RBFOX1: variants seen among roughly 807,000 people sequenced by gnomAD.
RBFOX1 encodes the protein RNA binding fox-1 homolog 1.
Under a neutral mutation model 57.7 loss-of-function variants are expected in RBFOX1, and 8 were observed. That is an observed-to-expected ratio of 0.14 (90% CI 0.08 to 0.25). The LOEUF (loss-of-function observed/expected upper bound fraction) is 0.25. Ranked by LOEUF, RBFOX1 falls within the 10% of genes least tolerant of loss-of-function variation. The pLI, the probability that RBFOX1 is intolerant of heterozygous loss-of-function variation, is 1.00. For missense variants in RBFOX1, 611 were observed against 548.5 expected (o/e 1.11, Z -1.14); for synonymous variants, 326 against 222.4 (o/e 1.47, Z -4.15).
intron 3 of RBFOX1, among the ~76,000 whole-genome samples, chr16:6,906,748 A>C (rs1804245229): frequency 6.8e-6 from 1 of 147,330 alleles, no homozygotes; most frequent in Non-Finnish European, 1.5e-5. Flanking sequence ...TTTGAGACAG[A>C]GTCTTGCTCT....
At chr16:5,567,680 T>C (rs2046122369) in intron 2 of RBFOX1, among the ~76,000 whole-genome samples, 1 of 145,904 alleles carries the variant, frequency 6.9e-6, no homozygotes, top group South Asian at 2.3e-4. Flanking sequence ...GGAAGGGCTG[T>C]GTCTATGTTT....
chr16:7,037,927 A>G (rs530732003), intron 3 of RBFOX1, among the ~76,000 whole-genome samples: 5 of 152,322 alleles, frequency 3.3e-5, no homozygotes, highest in African/African-American at 4.8e-5. Context: ...AGATTATAAA[A>G]TTATCAACTT....
intron 3 of RBFOX1, among the ~76,000 whole-genome samples, chr16:6,905,104 A>C (rs2153420388): frequency 6.6e-6 from 1 of 152,272 alleles, no homozygotes; most frequent in African/African-American, 2.4e-5. Flanking sequence ...AGTGTTGTTA[A>C]AAAATCCAAA....
intron 3 of RBFOX1, among the ~76,000 whole-genome samples, chr16:6,802,239 C>T (rs751033756): frequency 1.3e-5 from 2 of 152,096 alleles, no homozygotes; most frequent in African/African-American, 2.4e-5. Context: ...TTTAACTTAA[C>T]CACTCAGTCA....
intron 4 of RBFOX1, among the ~76,000 whole-genome samples, chr16:7,073,375 C>T (rs377375562): frequency 6.6e-6 from 1 of 152,128 alleles, no homozygotes; most frequent in Non-Finnish European, 1.5e-5. Flanking sequence ...ATCTTCCCAA[C>T]AAAGCATGAA....
rs1353751760 is a variant in RBFOX1 at position 7,630,654 on chromosome 16, C to G, written c.728C>G (p.Ala243Gly). ...ANQEGSSMYS[A>G]PSSLVYTSAM... ...CAGGAGGGATCTTCCATGTACAGTG[C>G]CCCCAGTTCACTTGTATATACTTCT... The change falls in exon 11 of 16, where the codon GCC becomes GGC. Residue 243 changes from alanine to glycine, a missense_variant. Physicochemically the swap from Ala to Gly is moderately conservative, Grantham distance 60. Coordinates refer to ENST00000550418, the MANE Select transcript of RBFOX1 (RefSeq NM_018723.4). 9.9e-6 allele frequency: 16 copies of G among 1,614,020 alleles called. No homozygotes were observed. Among genetic ancestry groups the G allele is most frequent in the Non-Finnish European group, 1.4e-5 (16 of 1,180,044 alleles).
chr16:5,719,784 C>T (rs1182700538), intron 3 of RBFOX1, among the ~76,000 whole-genome samples: 1 of 151,982 alleles, frequency 6.6e-6, no homozygotes. Context: ...ATGGATAGAC[C>T]CCATTTTATT....
chr16:6,592,003 T>G (rs2052198962), intron 2 of RBFOX1, among the ~76,000 whole-genome samples: 1 of 152,198 alleles, frequency 6.6e-6, no homozygotes, highest in Non-Finnish European at 1.5e-5. Context: ...AAGCATCCTA[T>G]TATTTAATCA....
At chr16:7,342,225 G>T (rs2096911616) in intron 4 of RBFOX1, among the ~76,000 whole-genome samples, 1 of 152,164 alleles carries the variant, frequency 6.6e-6, no homozygotes, top group African/African-American at 2.4e-5. Context: ...TAAAATGGGA[G>T]TAATACCAAG....
At chr16:5,698,666 G>T (rs1386471873) in intron 3 of RBFOX1, among the ~76,000 whole-genome samples, 1 of 152,122 alleles carries the variant, frequency 6.6e-6, no homozygotes, top group Non-Finnish European at 1.5e-5. Flanking sequence ...TAGCAATACT[G>T]TTCACCAGGG....
At position 6,971,782 on chromosome 16, in the gene RBFOX1, T is replaced by A. The variant is rs762751049; in HGVS notation, c.-15-80275T>A. On this transcript the variant is annotated intron_variant, in intron 3 of 15. Coordinates refer to ENST00000550418, the MANE Select transcript of RBFOX1 (RefSeq NM_018723.4). The stretch of plus-strand genomic sequence containing the variant: ...CACTTAAGTGGAGTGTCCACAGTCC[T>A]GCTTCTGTTGGGTGTGGAGGGCGAG... Among the ~76,000 whole-genome samples, 16 of 152,178 alleles carry A rather than the reference T, an allele frequency of 1.1e-4. 1 individual carries two copies. The highest frequency in any genetic ancestry group is 2.1e-4 in the Non-Finnish European group (14 of 68,010).
intron 3 of RBFOX1, among the ~76,000 whole-genome samples, chr16:5,626,900 G>T (rs563946847): frequency 1.3e-5 from 2 of 151,868 alleles, no homozygotes; most frequent in African/African-American, 4.8e-5. Flanking sequence ...TCTCATTTCT[G>T]TTCTCCCCTT....
At chr16:6,622,144 C>G (rs2098242341) in intron 2 of RBFOX1, among the ~76,000 whole-genome samples, 2 of 152,070 alleles carry the variant, frequency 1.3e-5, no homozygotes, top group Admixed American at 1.3e-4. Flanking sequence ...TCCTTAAGTA[C>G]TTTATTGAAT....
chr16:7,392,675 A>C (rs973298177), intron 4 of RBFOX1, among the ~76,000 whole-genome samples: 1 of 152,214 alleles, frequency 6.6e-6, no homozygotes, highest in Non-Finnish European at 1.5e-5. Flanking sequence ...CCCAAGTCAT[A>C]GTAGCATAAG....
At chr16:6,866,067 A>T (rs958315266) in intron 3 of RBFOX1, among the ~76,000 whole-genome samples, 1 of 152,176 alleles carries the variant, frequency 6.6e-6, no homozygotes, top group African/African-American at 2.4e-5. Flanking sequence ...CAGGATTGAA[A>T]TAGAAGCCAA....
chr16:5,315,425 A>G (rs909274221), intron 1 of RBFOX1, among the ~76,000 whole-genome samples: 2 of 152,174 alleles, frequency 1.3e-5, no homozygotes, highest in Non-Finnish European at 2.9e-5. Flanking sequence ...GAAAAAGGGT[A>G]CTGCTGTGAT....
chr16:5,688,872 C>T (rs2050585091), intron 3 of RBFOX1, among the ~76,000 whole-genome samples: 1 of 152,182 alleles, frequency 6.6e-6, no homozygotes, highest in South Asian at 2.1e-4. Flanking sequence ...TCTTCTACTG[C>T]CTCTCATCTC....
intron 11 of RBFOX1, among the ~76,000 whole-genome samples, chr16:7,652,819 G>A (rs2065369435): frequency 6.6e-6 from 1 of 152,132 alleles, no homozygotes; most frequent in Non-Finnish European, 1.5e-5. Flanking sequence ...ATCAGATGTT[G>A]GTAATAAGCT....
chr16:7,635,950 A>G (rs931872173), intron 11 of RBFOX1, among the ~76,000 whole-genome samples: 3 of 152,172 alleles, frequency 2.0e-5, no homozygotes, highest in Admixed American at 6.5e-5. Context: ...AGCTGGGACT[A>G]CAGGCGCCCG....
Sources: allele counts gnomAD v4.1 joint callset (sites outside exome capture counted in the v4.1 genomes callset), GRCh38; gene constraint gnomAD v4.1.1; transcripts MANE v1.5; gene names NCBI Gene and HGNC (gene_info 2026-07-23, HGNC 2026-07-21).